OPCML: variants seen among roughly 807,000 people sequenced by gnomAD.
OPCML encodes opioid binding protein/cell adhesion molecule like, also known as opioid-binding protein/cell adhesion molecule.
A neutral mutation model predicts 37.8 loss-of-function variants in OPCML; 13 were observed. The observed-to-expected ratio is 0.34, with a 90% confidence interval of 0.22 to 0.55. The LOEUF is 0.55. OPCML is among the 20% of genes least tolerant of loss of function. The pLI is 0.91. For synonymous variants in OPCML, 176 were observed against 168.8 expected (o/e 1.04, Z -0.33); for missense variants, 341 against 435.6 (o/e 0.78, Z 1.93).
chr11:133,337,501 C>G (rs184124109), intron 1 of OPCML, among the ~76,000 whole-genome samples: 1 of 152,166 alleles, frequency 6.6e-6, no homozygotes, highest in Non-Finnish European at 1.5e-5. Context: ...TCAGCTCTTG[C>G]CCCTTTTTGT....
intron 1 of OPCML, among the ~76,000 whole-genome samples, chr11:133,325,211 G>A (rs1168903392): frequency 6.6e-6 from 1 of 152,206 alleles, no homozygotes; most frequent in African/African-American, 2.4e-5. Flanking sequence ...TGCTTCAGAC[G>A]TGCTGTATTC....
At chr11:132,820,061 C>CTGAATGAATGAATGAA (rs35080742) in intron 2 of OPCML, among the ~76,000 whole-genome samples, 3 of 73,932 alleles carry the variant, frequency 4.1e-5, no homozygotes, top group Non-Finnish European at 6.2e-5. Flanking sequence ...ACAGCAAAAA[C>CTGAATGAATGAATGAA]TGAATGAATG....
chr11:132,539,513 C>A (rs1193686774), intron 3 of OPCML, among the ~76,000 whole-genome samples: 2 of 147,104 alleles, frequency 1.4e-5, no homozygotes, highest in African/African-American at 5.4e-5. Context: ...TAAAGACATG[C>A]TGCTGCTGCT....
rs2096017092 is a variant in OPCML, at chr11:132,437,442, G to A, written c.506-83C>T. On this transcript the variant is annotated intron_variant, in intron 4 of 7. Coordinates refer to ENST00000524381, the MANE Select transcript of OPCML (RefSeq NM_001012393.5). ...CCATATTCACATCTAGAGATTGTAGGAGGAGGAAGAGAAAAAGCCATCAGA... is the reference window on the plus strand; with the variant it reads ...CCATATTCACATCTAGAGATTGTAGAAGGAGGAAGAGAAAAAGCCATCAGA... 6 of 1,549,422 alleles carry A rather than the reference G, an allele frequency of 3.9e-6. No homozygotes were observed. The South Asian group carries it at 6.1e-5, about 16-fold the overall frequency.
chr11:133,324,898 G>A (rs912608142), intron 1 of OPCML, among the ~76,000 whole-genome samples: 2 of 151,948 alleles, frequency 1.3e-5, no homozygotes, highest in Non-Finnish European at 2.9e-5. Context: ...ATAGTATATA[G>A]TATTATAGAT....
chr11:133,499,456 C>T (rs1346684988), intron 1 of OPCML, among the ~76,000 whole-genome samples: 1 of 152,098 alleles, frequency 6.6e-6, no homozygotes, highest in Non-Finnish European at 1.5e-5. Flanking sequence ...CCTGGCCTCC[C>T]CTCCTGTGGG....
At chr11:132,702,219 T>A (rs1006551984) in intron 2 of OPCML, among the ~76,000 whole-genome samples, 3 of 152,194 alleles carry the variant, frequency 2.0e-5, no homozygotes, top group Non-Finnish European at 4.4e-5. Flanking sequence ...CTTGAAAAAC[T>A]CCATTTGGCA....
chr11:132,486,280 A>G (rs2096199597), intron 4 of OPCML, among the ~76,000 whole-genome samples: 1 of 152,182 alleles, frequency 6.6e-6, no homozygotes, highest in Non-Finnish European at 1.5e-5. Flanking sequence ...TGAAGGAGTG[A>G]TGCACCTATC....
At chr11:132,512,023 A>T (rs1270489836) in intron 4 of OPCML, among the ~76,000 whole-genome samples, 2 of 152,110 alleles carry the variant, frequency 1.3e-5, no homozygotes, top group Non-Finnish European at 2.9e-5. Context: ...TCCATAATAA[A>T]AGATAAACAG....
chr11:132,740,776 A>G (rs139356521), intron 2 of OPCML, among the ~76,000 whole-genome samples: 37 of 152,330 alleles, frequency 2.4e-4, no homozygotes, highest in Middle Eastern at 3.4e-3. Context: ...ATTCTAAACT[A>G]CAACATTTCC....
intron 1 of OPCML, among the ~76,000 whole-genome samples, chr11:133,394,093 G>A (rs763309391): frequency 1.3e-5 from 2 of 152,260 alleles, no homozygotes; most frequent in African/African-American, 4.8e-5. Flanking sequence ...TCTGCCCCAT[G>A]CTTAATCCTT....
chr11:133,410,634 T>TAAAAA lies in OPCML; in HGVS notation c.61+121625_61+121629dup, dbSNP rs71038527. On this transcript the variant is annotated intron_variant, in intron 1 of 7. Coordinates refer to ENST00000524381, the MANE Select transcript of OPCML (RefSeq NM_001012393.5). ...TGAAAGCACACGTTAAGAAAAAAAG[T>TAAAAA]AAAAAAAAAAAAAAAAAAAAAAAAA... Among the ~76,000 whole-genome samples the TAAAAA allele has an allele frequency of 6.4e-4, 30 of 47,008 alleles. 6 individuals carry two copies. The highest frequency in any genetic ancestry group is 0.031 in the Middle Eastern group (1 of 32). The allele number at this position is 47,008 out of a possible 152,430, so 30.8% of individuals were successfully genotyped here.
chr11:133,365,476 T>A (rs1300502876), intron 1 of OPCML: 2 of 152,154 alleles, frequency 1.3e-5, no homozygotes, highest in Non-Finnish European at 2.9e-5. Flanking sequence ...AAGGTGCTAA[T>A]CCCATCCATG....
At chr11:133,005,490 C>A (rs1438295834) in intron 1 of OPCML, 3 of 985,376 alleles carry the variant, frequency 3.0e-6, no homozygotes, top group Non-Finnish European at 2.4e-6. Context: ...GGAGGTAGGG[C>A]AGGTCATATT....
At chr11:133,222,763 A>G (rs1302560505) in intron 1 of OPCML, among the ~76,000 whole-genome samples, 1 of 151,134 alleles carries the variant, frequency 6.6e-6, no homozygotes, top group African/African-American at 2.4e-5. Flanking sequence ...ATGCCAAAAG[A>G]GGGAGGAGAG....
intron 1 of OPCML, among the ~76,000 whole-genome samples, chr11:133,289,005 T>C (rs556205580): frequency 6.6e-6 from 1 of 152,238 alleles, no homozygotes; most frequent in Non-Finnish European, 1.5e-5. Context: ...TAGAACACAG[T>C]CACAGACATG....
At chr11:133,517,917 G>A (rs1344871615) in intron 1 of OPCML, among the ~76,000 whole-genome samples, 1 of 152,066 alleles carries the variant, frequency 6.6e-6, no homozygotes, top group Non-Finnish European at 1.5e-5. Context: ...GCACAGAATG[G>A]GCAAGGAGGA....
intron 1 of OPCML, among the ~76,000 whole-genome samples, chr11:133,370,397 C>A (rs1049277481): frequency 8.8e-4 from 128 of 145,072 alleles, no homozygotes; most frequent in Non-Finnish European, 1.4e-3. Flanking sequence ...AATCAATATA[C>A]AAAAATCAGC....
intron 1 of OPCML, among the ~76,000 whole-genome samples, chr11:132,951,979 T>G (rs1945870354): frequency 6.6e-6 from 1 of 152,258 alleles, no homozygotes; most frequent in Non-Finnish European, 1.5e-5. Flanking sequence ...TAATAAAATT[T>G]GTATTCAGTT....
Sources: gnomAD v4.1 joint callset for allele counts (sites outside exome capture counted in the v4.1 genomes callset) on GRCh38, gnomAD v4.1.1 for gene constraint, MANE v1.5 for transcripts, NCBI Gene and HGNC (gene_info 2026-07-23, HGNC 2026-07-21) for gene names.